Variants in BCL2L14 observed in about 807,000 individuals in gnomAD.
The protein encoded by BCL2L14 is BCL2 like 14.
BCL2L14 carries 27 observed loss-of-function variants against 35.3 expected under a neutral mutation model. That is an observed-to-expected ratio of 0.76 (90% CI 0.56 to 1.05). The LOEUF (loss-of-function observed/expected upper bound fraction) is 1.05. Among genes scored for constraint, BCL2L14 ranks in the 50% least tolerant of loss-of-function variants. BCL2L14 has a pLI of 0.00. For missense variants in BCL2L14, 377 were observed against 382.6 expected, an observed-to-expected ratio of 0.99 and a Z score of 0.12; for synonymous variants, 139 against 145.9, an observed-to-expected ratio of 0.95 and a Z score of 0.34.
chr12:12,074,451 A>G (rs1294287773), intron 1 of BCL2L14, among the ~76,000 whole-genome samples: 1 of 151,530 alleles, frequency 6.6e-6, no homozygotes, highest in Non-Finnish European at 1.5e-5. Context: ...TTTTCTTTTT[A>G]TTATTTTTTT....
chr12:12,079,606 G>A lies in BCL2L14; in HGVS notation c.301G>A (p.Glu101Lys), dbSNP rs774795644. 4.3e-6 allele frequency: 7 copies of A among 1,614,092 alleles called. No individual in the cohort carries two copies. The African/African-American group carries it at 8.0e-5, about 18-fold the overall frequency. Residue 101 changes from glutamate to lysine, a missense_variant, in exon 2 of 6, where the codon GAG (glutamate) becomes AAG (lysine). Glu to Lys is a moderately conservative substitution (Grantham distance 56). Transcript: ENST00000308721. ...TTGGAAAGCATTCTTTGGAGTAGTG[G>A]AGAAGGAAGATTCGCAGAGCACGCC... is the stretch of plus-strand genomic sequence containing the variant. ...SSWKAFFGVV[E>K]KEDSQSTPAK...
chr12:12,095,091 T>C (rs1223726892), intron 5 of BCL2L14, 161 bp downstream of exon 5: 2 of 985,224 alleles, frequency 2.0e-6, no homozygotes, highest in Non-Finnish European at 2.4e-6. Flanking sequence ...GGGAACATAT[T>C]TTTAGTGATT....
intron 2 of BCL2L14, among the ~76,000 whole-genome samples, chr12:12,061,806 G>T (rs1352277371): frequency 6.6e-6 from 1 of 152,124 alleles, no homozygotes; most frequent in Non-Finnish European, 1.5e-5. Flanking sequence ...TTCCTCATCT[G>T]TTACCTATCT....
intron 5 of BCL2L14, among the ~76,000 whole-genome samples, chr12:12,098,218 G>A (rs1641729): frequency 0.23 from 35,043 of 152,082 alleles, 4,465 homozygotes; most frequent in East Asian, 0.36. Context: ...CAAGTGTCTC[G>A]ATGGCTCTCT....
chr12:12,067,520 C>T (rs1948608453), upstream of BCL2L14, among the ~76,000 whole-genome samples: 1 of 151,992 alleles, frequency 6.6e-6, no homozygotes, highest in African/African-American at 2.4e-5. Flanking sequence ...CACTGCACTC[C>T]AGCCTGGGGA....
intron 3 of BCL2L14, 125 bp from the exon 4 acceptor site, chr12:12,090,654 A>C (rs1471511871): frequency 1.6e-6 from 1 of 625,422 alleles, no homozygotes; most frequent in Admixed American, 3.4e-5. Context: ...AATAAAAAAA[A>C]AAAAAAGAAT....
In BCL2L14 at chr12:12,094,854, T is replaced by A. The variant is rs1262229120; in HGVS notation, c.869T>A (p.Met290Lys). Residue 290 changes from methionine (M) to lysine (K), a missense_variant, in exon 5 of 6, where the codon ATG (methionine) becomes AAG (lysine). By Grantham distance (95) the Met-to-Lys change is moderately conservative (BLOSUM62 -1). Transcript: ENST00000308721. ...CTCACAGCTATTGACAACCACCCGA[T>A]GAACAGGGTCCTGGGCTTTGGCACC... is the stretch of plus-strand genomic sequence containing the variant. Reference protein sequence around the residue: ...AKLTAIDNHPMNRVLGFGTKY... With the variant: ...AKLTAIDNHPKNRVLGFGTKY... The A allele has an allele frequency of 1.2e-6, 2 of 1,614,084 alleles. No homozygotes were observed. The highest frequency in any genetic ancestry group is 2.2e-5 in the East Asian group (1 of 44,888).
chr12:12,099,248 G>T lies in BCL2L14; in HGVS notation c.*260G>T, dbSNP rs564070714. On this transcript the variant is annotated 3_prime_UTR_variant, in exon 6 of 6. Coordinates refer to ENST00000308721, the MANE Select transcript of BCL2L14 (RefSeq NM_138723.2). ...GAGGAAATCTGTAAAGATAAGTGGTGATGTTGTTTCAAACGTTCAGAACAG... is the reference window on the plus strand; with the variant it reads ...GAGGAAATCTGTAAAGATAAGTGGTTATGTTGTTTCAAACGTTCAGAACAG... 10 of 479,460 alleles carry T rather than the reference G, an allele frequency of 2.1e-5. No homozygotes were observed. The South Asian group carries it at 2.5e-4, about 12-fold the overall frequency. 29.7% of individuals were successfully genotyped at this position (479,460 alleles called of 1,614,324 possible).
intron 3 of BCL2L14, among the ~76,000 whole-genome samples, chr12:12,089,590 C>T (rs961231484): frequency 1.4e-5 from 2 of 146,700 alleles, no homozygotes; most frequent in African/African-American, 2.5e-5. Flanking sequence ...CCCAGCTACT[C>T]GGGAGGCTGA....
intron 2 of BCL2L14, among the ~76,000 whole-genome samples, chr12:12,083,717 G>A (rs1591826568): frequency 6.6e-6 from 1 of 152,184 alleles, no homozygotes; most frequent in East Asian, 1.9e-4. Flanking sequence ...GTCTGAGGTG[G>A]GCAGATCACT....
In BCL2L14 at chr12:12,079,319, G is replaced by A. The variant is rs763337059; in HGVS notation, c.14G>A (p.Ser5Asn). Residue 5 changes from serine (S) to asparagine (N), a missense_variant, in exon 2 of 6, where the codon AGT (serine) becomes AAT (asparagine). Coordinates refer to ENST00000308721, the MANE Select transcript of BCL2L14 (RefSeq NM_138723.2). ...TACAGGCCCAACATGTGTAGCACCAGTGGGTGTGACCTGGAAGAAATCCCC... is the reference window on the plus strand; with the variant it reads ...TACAGGCCCAACATGTGTAGCACCAATGGGTGTGACCTGGAAGAAATCCCC... MCSTSGCDLEEIPLD... is the reference protein window; with the variant it reads MCSTNGCDLEEIPLD... The A allele has an allele frequency of 6.2e-7, 1 of 1,613,790 alleles. No individual in the cohort carries two copies. Among genetic ancestry groups the A allele is most frequent in the South Asian group, 1.1e-5 (1 of 90,976 alleles).
At chr12:12,081,550 G>A (rs537807450) in intron 2 of BCL2L14, among the ~76,000 whole-genome samples, 1 of 132,992 alleles carries the variant, frequency 7.5e-6, no homozygotes, top group African/African-American at 2.7e-5. Context: ...CCAAAGCCCA[G>A]ATTTTTTTTT....
chr12:12,092,846 C>T (rs1949222173), intron 4 of BCL2L14, among the ~76,000 whole-genome samples: 1 of 152,192 alleles, frequency 6.6e-6, no homozygotes, highest in South Asian at 2.1e-4. Context: ...CCAATCGCAT[C>T]TGACTCATCC....
chr12:12,058,065 G>A (rs11054648), intron 2 of BCL2L14, among the ~76,000 whole-genome samples: 93,304 of 149,428 alleles, frequency 0.62, 29,742 homozygotes, highest in East Asian at 0.78. Flanking sequence ...CTTTTGCCTC[G>A]GCCTCCCCGA....
chr12:12,073,001 C>T (rs12298865), intron 1 of BCL2L14, among the ~76,000 whole-genome samples: 5 of 152,102 alleles, frequency 3.3e-5, no homozygotes, highest in African/African-American at 7.2e-5. Flanking sequence ...ATTCTCCCCC[C>T]TCAGCCTCCC....
chr12:12,079,280 G>A lies in BCL2L14; in HGVS notation c.-7-19G>A, dbSNP rs758294653. The A allele has an allele frequency of 1.2e-6, 2 of 1,602,862 alleles. No homozygotes were observed. Among genetic ancestry groups the A allele is most frequent in the Non-Finnish European group, 8.5e-7 (1 of 1,174,080 alleles). On this transcript the variant is annotated intron_variant, in intron 1 of 5. Coordinates refer to ENST00000308721, the MANE Select transcript of BCL2L14 (RefSeq NM_138723.2). ...GTGGCCCTGCATAGAAGGGCACAGT[G>A]TGGACTTTGTTGTTACAGGCCCAAC...
At chr12:12,066,722 T>A (rs2416990), upstream of BCL2L14, among the ~76,000 whole-genome samples, 101,145 of 150,234 alleles carry the variant, frequency 0.67, 35,100 homozygotes, top group African/African-American at 0.85. Context: ...ATTATTTTTT[T>A]TTTTTTTTTT....
At chr12:12,088,395 C>T (rs1949094555) in intron 3 of BCL2L14, among the ~76,000 whole-genome samples, 1 of 152,114 alleles carries the variant, frequency 6.6e-6, no homozygotes, top group South Asian at 2.1e-4. Flanking sequence ...GGGCTTTCCA[C>T]TTGCCCAGCG....
intron 4 of BCL2L14, 22 bp from the exon 5 acceptor site, chr12:12,094,642 G>C: frequency 6.2e-7 from 1 of 1,614,160 alleles, no homozygotes; most frequent in Non-Finnish European, 8.5e-7. Context: ...ACTGTACTGA[G>C]TGCTTATTCT....
Sources: allele counts gnomAD v4.1 joint callset (sites outside exome capture counted in the v4.1 genomes callset), GRCh38; gene constraint gnomAD v4.1.1; transcripts MANE v1.5; gene names NCBI Gene and HGNC (gene_info 2026-07-23, HGNC 2026-07-21).